ATRNL1: variants seen among roughly 807,000 people sequenced by gnomAD.
ATRNL1 encodes attractin like 1.
A neutral mutation model predicts 182.7 loss-of-function variants in ATRNL1; 95 were observed. The observed-to-expected ratio is 0.52, with a 90% CI of 0.44 to 0.62. The LOEUF is 0.62. Ranked by LOEUF, ATRNL1 falls within the 20% of genes least tolerant of loss-of-function variation. The probability of loss-of-function intolerance (pLI) is 0.00; values close to 1 mark genes in which losing one functional copy is unlikely to be tolerated. For synonymous variants in ATRNL1, 576 were observed against 568.3 expected (o/e 1.01, Z -0.19); for missense variants, 1,471 against 1,679.5 (o/e 0.88, Z 2.17).
chr10:115,805,019 G>A (rs952940060), intron 27 of ATRNL1, among the ~76,000 whole-genome samples: 5 of 151,916 alleles, frequency 3.3e-5, no homozygotes, highest in South Asian at 2.1e-4. Flanking sequence ...GGTGAAGATC[G>A]AGTTCAGCAC....
At chr10:115,533,047 A>G (rs1592801727) in intron 25 of ATRNL1, among the ~76,000 whole-genome samples, 1 of 152,014 alleles carries the variant, frequency 6.6e-6, no homozygotes. Flanking sequence ...TGCATCAAGG[A>G]TATTGGTCTA....
chr10:115,387,182 A>G (rs965124532), intron 19 of ATRNL1, among the ~76,000 whole-genome samples: 16 of 152,108 alleles, frequency 1.1e-4, no homozygotes, highest in Non-Finnish European at 2.4e-4. Context: ...CGCAAGGACA[A>G]AAGGTTAGTC....
At chr10:115,742,739 T>C (rs1220392170) in intron 27 of ATRNL1, among the ~76,000 whole-genome samples, 1 of 152,178 alleles carries the variant, frequency 6.6e-6, no homozygotes, top group African/African-American at 2.4e-5. Context: ...CTGGTTTCCC[T>C]GCCTTCACTC....
intron 28 of ATRNL1, among the ~76,000 whole-genome samples, chr10:115,885,216 A>G (rs185563521): frequency 1.8e-4 from 27 of 152,326 alleles, no homozygotes; most frequent in Admixed American, 1.2e-3. Context: ...AACAGATTCA[A>G]AGACTCAGGT....
At chr10:115,907,737 A>G (rs1952546504) in intron 28 of ATRNL1, among the ~76,000 whole-genome samples, 1 of 151,898 alleles carries the variant, frequency 6.6e-6, no homozygotes, top group Non-Finnish European at 1.5e-5. Flanking sequence ...AATTATAAAA[A>G]AATTTTAAAA....
Position 115,346,995 on chromosome 10 carries a change from A to C in ATRNL1, c.3175+12576A>C, listed in dbSNP as rs187011351. Among the ~76,000 whole-genome samples, 3 of 152,308 alleles carry C rather than the reference A, an allele frequency of 2.0e-5. No individual in the cohort carries two copies. The East Asian group carries it at 5.8e-4, about 29-fold the overall frequency. On this transcript the variant is annotated intron_variant, in intron 19 of 28. Transcript: ENST00000355044. ...TTGCCAACATAGGTAAAAGTAATATATGAATGGCTCTATTAGCTCCAAAAT... is the reference window on the plus strand; with the variant it reads ...TTGCCAACATAGGTAAAAGTAATATCTGAATGGCTCTATTAGCTCCAAAAT...
At chr10:115,291,749 C>T (rs1852915594) in intron 15 of ATRNL1, among the ~76,000 whole-genome samples, 1 of 144,150 alleles carries the variant, frequency 6.9e-6, no homozygotes, top group African/African-American at 2.6e-5. Flanking sequence ...TTGTTGGATT[C>T]ATTTTGCTAG....
At position 115,560,530 on chromosome 10, in the gene ATRNL1, A is replaced by G. The variant is rs140661582; in HGVS notation, c.3795+10994A>G. Among the ~76,000 whole-genome samples, 94 of 152,230 alleles carry G rather than the reference A, an allele frequency of 6.2e-4. 1 individual carries two copies. The East Asian group carries it at 0.017, about 27-fold the overall frequency. ...AAGAAATTAAAGAAGACCTAAATAA[A>G]TGGAAAGATACTATATGTTGATGGA... is the stretch of plus-strand genomic sequence containing the variant. On this transcript the variant is annotated intron_variant, in intron 26 of 28. Coordinates refer to ENST00000355044, the MANE Select transcript of ATRNL1 (RefSeq NM_207303.4).
chr10:115,757,192 C>T (rs551390606), intron 27 of ATRNL1, among the ~76,000 whole-genome samples: 1 of 152,210 alleles, frequency 6.6e-6, no homozygotes, highest in South Asian at 2.1e-4. Context: ...TGAATTTGAT[C>T]CTGTCATTAT....
intron 28 of ATRNL1, among the ~76,000 whole-genome samples, chr10:115,935,366 GT>G (rs1193968017): frequency 2.0e-5 from 3 of 152,208 alleles, no homozygotes; most frequent in South Asian, 4.1e-4. Context: ...ATCAATCATA[GT>G]TTTTTTGTAT....
At chr10:115,705,437 T>C (rs1424439451) in intron 26 of ATRNL1, among the ~76,000 whole-genome samples, 2 of 152,000 alleles carry the variant, frequency 1.3e-5, no homozygotes, top group African/African-American at 4.8e-5. Flanking sequence ...GTGATATTTC[T>C]TCATTTTTTT....
intron 26 of ATRNL1, among the ~76,000 whole-genome samples, chr10:115,595,659 T>C (rs2133928961): frequency 6.6e-6 from 1 of 152,306 alleles, no homozygotes; most frequent in East Asian, 1.9e-4. Flanking sequence ...TGCACAATAA[T>C]ATTTGATTCA....
intron 28 of ATRNL1, among the ~76,000 whole-genome samples, chr10:115,869,333 C>CA (rs1951522193): frequency 6.6e-6 from 1 of 152,148 alleles, no homozygotes; most frequent in Admixed American, 6.6e-5. Flanking sequence ...TAAAAATATA[C>CA]AATGGGAGGC....
At chr10:115,439,627 T>C (rs1846571185) in intron 21 of ATRNL1, among the ~76,000 whole-genome samples, 1 of 151,074 alleles carries the variant, frequency 6.6e-6, no homozygotes, top group Non-Finnish European at 1.5e-5. Flanking sequence ...TGATACATAC[T>C]TACCTTAAAT....
At chr10:115,881,874 C>T (rs1951833851) in intron 28 of ATRNL1, among the ~76,000 whole-genome samples, 1 of 152,158 alleles carries the variant, frequency 6.6e-6, no homozygotes, top group African/African-American at 2.4e-5. Context: ...CATTAAATAG[C>T]TTTGCCAACC....
At chr10:115,498,712 A>T (rs560277003) in intron 24 of ATRNL1, among the ~76,000 whole-genome samples, 209 of 151,920 alleles carry the variant, frequency 1.4e-3, no homozygotes, top group African/African-American at 4.6e-3. Context: ...ATATTTTAAA[A>T]TTTTAGTCGT....
intron 27 of ATRNL1, among the ~76,000 whole-genome samples, chr10:115,794,344 A>G (rs1949600520): frequency 2.6e-5 from 4 of 152,140 alleles, no homozygotes; most frequent in African/African-American, 9.7e-5. Flanking sequence ...TTTCCACATA[A>G]CCACAATGTA....
At chr10:115,540,128 TAATAATAAATA>T (rs1565148269) in intron 25 of ATRNL1, among the ~76,000 whole-genome samples, 1 of 91,138 alleles carries the variant, frequency 1.1e-5, no homozygotes, top group Non-Finnish European at 3.2e-5. Flanking sequence ...TAAAGTATAA[TAATAATAAATA>T]AATAAATAAA....
intron 27 of ATRNL1, among the ~76,000 whole-genome samples, chr10:115,847,123 T>C (rs1950947300): frequency 6.6e-6 from 1 of 152,160 alleles, no homozygotes; most frequent in African/African-American, 2.4e-5. Context: ...ATTAAAGATA[T>C]GCCAACCTGA....
Sources: gnomAD v4.1 joint callset for allele counts (sites outside exome capture counted in the v4.1 genomes callset) on GRCh38, gnomAD v4.1.1 for gene constraint, MANE v1.5 for transcripts, NCBI Gene and HGNC (gene_info 2026-07-23, HGNC 2026-07-21) for gene names.